The following ZMYM4 variants were observed in gnomAD, a reference collection of about 807,000 sequenced individuals.
ZMYM4 encodes the protein zinc finger MYM-type containing 4.
ZMYM4 carries 31 observed loss-of-function variants against 183.2 expected under a neutral mutation model. The ratio of observed to expected loss-of-function variants is 0.17; its 90% CI spans 0.13 to 0.23. ZMYM4 has a LOEUF of 0.23. Ranked by LOEUF, ZMYM4 falls within the 10% of genes least tolerant of loss-of-function variation. The pLI, the probability that ZMYM4 is intolerant of heterozygous loss-of-function variation, is 1.00. For synonymous variants in ZMYM4, 592 were observed against 631.2 expected (o/e 0.94, Z 0.93); for missense variants, 1,273 against 1,840.3 (o/e 0.69, Z 5.64).
At chr1:35,279,655 A>G (rs1189587031) in intron 1 of ZMYM4, among the ~76,000 whole-genome samples, 1 of 152,206 alleles carries the variant, frequency 6.6e-6, no homozygotes, top group Admixed American at 6.5e-5. Flanking sequence ...ATAAATATCA[A>G]GGAGGAACCA....
At chr1:35,304,629 T>C (rs1332274786) in intron 1 of ZMYM4, among the ~76,000 whole-genome samples, 4 of 149,938 alleles carry the variant, frequency 2.7e-5, no homozygotes, top group Non-Finnish European at 5.9e-5. Flanking sequence ...TGGCTAATTT[T>C]TTTTTTGTAT....
At position 35,392,249 on chromosome 1, in the gene ZMYM4, C is replaced by G; in HGVS notation, c.2625C>G (p.Pro875=). The G allele has an allele frequency of 6.2e-7, 1 of 1,614,136 alleles. No individual in the cohort carries two copies. The highest frequency in any genetic ancestry group is 1.7e-5 in the Admixed American group (1 of 60,026). ...TGGTTCAAGCTGCTTCAGCAGGACC[C>G]CCATCTCTGAGAAAAGATTCGACTC... ...ISMVQAASAG[P]PSLRKDSTPV... Residue 875 remains proline, a synonymous_variant, in exon 16 of 30, where the codon CCC becomes CCG. Coordinates refer to ENST00000314607, the MANE Select transcript of ZMYM4 (RefSeq NM_005095.3).
At chr1:35,271,386 G>T (rs1639596457) in intron 1 of ZMYM4, among the ~76,000 whole-genome samples, 1 of 151,720 alleles carries the variant, frequency 6.6e-6, no homozygotes. Context: ...TACCATACTG[G>T]TAGCAGTAAA....
At chr1:35,288,103 G>A (rs1640593951) in intron 1 of ZMYM4, among the ~76,000 whole-genome samples, 1 of 152,050 alleles carries the variant, frequency 6.6e-6, no homozygotes, top group Admixed American at 6.6e-5. Flanking sequence ...AGTTTTAATT[G>A]CTAAGTCTTG....
chr1:35,305,552 C>CT (rs200816456), intron 1 of ZMYM4, among the ~76,000 whole-genome samples: 2,024 of 148,974 alleles, frequency 0.014, 48 homozygotes, highest in African/African-American at 0.047. Context: ...GTTTTCTCTT[C>CT]TTTTTTTTTA....
At chr1:35,367,983 A>G (rs1644127233) in intron 5 of ZMYM4, among the ~76,000 whole-genome samples, 1 of 151,986 alleles carries the variant, frequency 6.6e-6, no homozygotes, top group African/African-American at 2.4e-5. Flanking sequence ...AAAAATGTTC[A>G]TTATACATCA....
intron 17 of ZMYM4, among the ~76,000 whole-genome samples, chr1:35,392,921 A>G (rs1205785256): frequency 2.0e-5 from 3 of 152,162 alleles, no homozygotes; most frequent in Non-Finnish European, 4.4e-5. Flanking sequence ...TAATTACACA[A>G]AATTGAAGTA....
At chr1:35,396,977 G>A (rs889960409) in intron 19 of ZMYM4, 1 of 692,804 alleles carries the variant, frequency 1.4e-6, no homozygotes, top group East Asian at 8.7e-5. Flanking sequence ...GGTGAAAAGA[G>A]TACTGTGATT....
intron 1 of ZMYM4, among the ~76,000 whole-genome samples, chr1:35,293,430 C>T (rs905694800): frequency 6.6e-6 from 1 of 152,076 alleles, no homozygotes; most frequent in Non-Finnish European, 1.5e-5. Flanking sequence ...TCTACTGCCT[C>T]TGCCTCCTGA....
intron 7 of ZMYM4, among the ~76,000 whole-genome samples, chr1:35,372,405 G>A (rs1207605863): frequency 6.6e-6 from 1 of 152,126 alleles, no homozygotes; most frequent in Admixed American, 6.5e-5. Context: ...GGGAATGTTG[G>A]TTAAAGGATA....
chr1:35,314,556 A>T (rs1325295132), intron 1 of ZMYM4, among the ~76,000 whole-genome samples: 2 of 150,922 alleles, frequency 1.3e-5, no homozygotes, highest in Non-Finnish European at 2.9e-5. Context: ...AAGTGCTGGG[A>T]TTACAGGTGT....
chr1:35,362,839 A>AC (rs1643972328), intron 5 of ZMYM4, among the ~76,000 whole-genome samples: 1 of 151,960 alleles, frequency 6.6e-6, no homozygotes, highest in African/African-American at 2.4e-5. Context: ...AGTAGCTGGG[A>AC]CCACAGGCGT....
intron 1 of ZMYM4, among the ~76,000 whole-genome samples, chr1:35,302,224 T>G (rs79317171): frequency 0.084 from 7,491 of 88,750 alleles, 648 homozygotes; most frequent in East Asian, 0.44. Context: ...TTTTTTTTTT[T>G]TGTGACAGGG....
chr1:35,289,525 A>G (rs1440923777), intron 1 of ZMYM4, among the ~76,000 whole-genome samples: 1 of 152,160 alleles, frequency 6.6e-6, no homozygotes, highest in Admixed American at 6.5e-5. Flanking sequence ...GGAGGAAGCT[A>G]TTATTTCCTT....
intron 18 of ZMYM4, among the ~76,000 whole-genome samples, chr1:35,396,061 C>A (rs905504525): frequency 6.6e-6 from 1 of 152,066 alleles, no homozygotes; most frequent in Non-Finnish European, 1.5e-5. Context: ...ATTATAATTG[C>A]CTCCTATTTT....
chr1:35,364,544 C>G (rs1163639234), intron 5 of ZMYM4, among the ~76,000 whole-genome samples: 1 of 152,082 alleles, frequency 6.6e-6, no homozygotes, highest in Non-Finnish European at 1.5e-5. Flanking sequence ...TAATTTATTA[C>G]TTTTATTCAT....
intron 1 of ZMYM4, among the ~76,000 whole-genome samples, chr1:35,316,300 A>G (rs1468266270): frequency 6.6e-6 from 1 of 152,206 alleles, no homozygotes; most frequent in Non-Finnish European, 1.5e-5. Flanking sequence ...TGTATTTGGT[A>G]GCAAATGTGT....
At chr1:35,288,734 G>A (rs1382190633) in intron 1 of ZMYM4, among the ~76,000 whole-genome samples, 1 of 152,178 alleles carries the variant, frequency 6.6e-6, no homozygotes, top group Non-Finnish European at 1.5e-5. Context: ...CTCATGGTGA[G>A]CAGAGGGCAT....
At chr1:35,282,884 C>T (rs1235812359) in intron 1 of ZMYM4, among the ~76,000 whole-genome samples, 2 of 150,272 alleles carry the variant, frequency 1.3e-5, no homozygotes, top group Non-Finnish European at 3.0e-5. Context: ...GAACCTTTTG[C>T]ACAGGGGCTA....
Sources: allele counts gnomAD v4.1 joint callset (sites outside exome capture counted in the v4.1 genomes callset), GRCh38; gene constraint gnomAD v4.1.1; transcripts MANE v1.5; gene names NCBI Gene and HGNC (gene_info 2026-07-23, HGNC 2026-07-21).